CSMD1: variants seen among roughly 807,000 people sequenced by gnomAD.
The protein encoded by CSMD1 is CUB and Sushi multiple domains 1.
CSMD1 carries 213 observed loss-of-function variants against 417.5 expected under a neutral mutation model. That is an observed-to-expected ratio of 0.51 (90% confidence interval 0.46 to 0.57). The LOEUF is 0.57. CSMD1 is among the 20% of genes least tolerant of loss of function. CSMD1 has a pLI of 0.00. For synonymous variants in CSMD1, 2,862 were observed against 1,736.8 expected, an observed-to-expected ratio of 1.65 and a Z score of -16.11; for missense variants, 6,923 against 4,529.7, an observed-to-expected ratio of 1.53 and a Z score of -15.17.
chr8:4,385,505 G>A (rs559592458), intron 3 of CSMD1, among the ~76,000 whole-genome samples: 6 of 152,162 alleles, frequency 3.9e-5, no homozygotes, highest in African/African-American at 1.4e-4. Context: ...TAGTACTACC[G>A]TATTAGTAGT....
chr8:3,834,604 A>C (rs1173080291), intron 5 of CSMD1, among the ~76,000 whole-genome samples: 1 of 152,176 alleles, frequency 6.6e-6, no homozygotes, highest in African/African-American at 2.4e-5. Context: ...ACAAATGTGA[A>C]GGTAATACGT....
chr8:3,936,518 T>G (rs1166231378), intron 5 of CSMD1, among the ~76,000 whole-genome samples: 1 of 152,190 alleles, frequency 6.6e-6, no homozygotes, highest in Admixed American at 6.5e-5. Context: ...CCTTAAGAAT[T>G]CTGCTAAATC....
At chr8:3,105,252 G>T (rs1816053205) in intron 46 of CSMD1, among the ~76,000 whole-genome samples, 1 of 152,080 alleles carries the variant, frequency 6.6e-6, no homozygotes, top group Non-Finnish European at 1.5e-5. Flanking sequence ...TGCCTGATGG[G>T]GTGACTCTGG....
At chr8:3,178,100 C>T (rs1313680825) in intron 37 of CSMD1, among the ~76,000 whole-genome samples, 2 of 152,090 alleles carry the variant, frequency 1.3e-5, no homozygotes, top group Admixed American at 6.6e-5. Context: ...TACATTAAAC[C>T]AGAGGATTCT....
intron 5 of CSMD1, among the ~76,000 whole-genome samples, chr8:3,944,367 G>C (rs958495743): frequency 6.6e-6 from 1 of 152,110 alleles, no homozygotes; most frequent in South Asian, 2.1e-4. Flanking sequence ...AAAATAAGAT[G>C]TGTTCCTCTC....
At chr8:4,032,700 C>G in intron 3 of CSMD1, among the ~76,000 whole-genome samples, 1 of 152,208 alleles carries the variant, frequency 6.6e-6, no homozygotes, top group East Asian at 1.9e-4. Context: ...CAGCCAGGCT[C>G]TGTCCATTTA....
intron 10 of CSMD1, among the ~76,000 whole-genome samples, chr8:3,531,599 G>A (rs757095523): frequency 9.9e-5 from 15 of 152,108 alleles, no homozygotes; most frequent in Non-Finnish European, 2.1e-4. Context: ...CTGGCCCCGT[G>A]GGAGGCTGGT....
At chr8:4,089,742 C>T (rs998165300) in intron 3 of CSMD1, among the ~76,000 whole-genome samples, 10 of 152,258 alleles carry the variant, frequency 6.6e-5, no homozygotes, top group African/African-American at 2.4e-4. Context: ...ATTGACACAA[C>T]ATCATTCATT....
At chr8:3,293,036 T>C (rs981518554) in intron 25 of CSMD1, among the ~76,000 whole-genome samples, 1 of 152,298 alleles carries the variant, frequency 6.6e-6, no homozygotes, top group Admixed American at 6.5e-5. Flanking sequence ...TGACAAAATC[T>C]CTCAGCATTT....
At chr8:3,661,777 C>T (rs1435786834) in intron 7 of CSMD1, among the ~76,000 whole-genome samples, 1 of 151,986 alleles carries the variant, frequency 6.6e-6, no homozygotes, top group Non-Finnish European at 1.5e-5. Flanking sequence ...GGTGACAGGC[C>T]TGAGCCACCA....
At chr8:3,021,678 GTCCGGAATGCACCTGCAATCCCACAGCA>G in intron 51 of CSMD1, among the ~76,000 whole-genome samples, 1 of 128,532 alleles carries the variant, frequency 7.8e-6, no homozygotes, top group East Asian at 2.3e-4. Flanking sequence ...ATCCCACAGC[GTCCGGAATGCACCTGCAATCCCACAGCA>G]TCTGGAATGC....
chr8:4,681,068 T>A (rs550195636), intron 1 of CSMD1, among the ~76,000 whole-genome samples: 4 of 151,972 alleles, frequency 2.6e-5, no homozygotes, highest in Admixed American at 6.6e-5. Context: ...TTAACTTGCA[T>A]TATGGCTACG....
chr8:2,937,892 T>G lies in CSMD1; in HGVS notation c.*693A>C, dbSNP rs200720030. On this transcript the variant is annotated 3_prime_UTR_variant, in exon 70 of 70. Coordinates refer to ENST00000635120, the MANE Select transcript of CSMD1 (RefSeq NM_033225.6). ...TATAAACCCTGTGTAAATAATTTAT[T>G]TTTTTTATCAGAATCTTAGTCATTC... 1 of 73,516 alleles carries G rather than the reference T, an allele frequency of 1.4e-5. No individual in the cohort carries two copies. Among genetic ancestry groups the G allele is most frequent in the Non-Finnish European group, 3.2e-5 (1 of 31,462 alleles). The allele number at this position is 73,516 out of a possible 1,614,324, so 4.6% of individuals were successfully genotyped here.
intron 9 of CSMD1, among the ~76,000 whole-genome samples, chr8:3,577,399 CAT>C (rs1405681245): frequency 2.0e-5 from 3 of 152,078 alleles, no homozygotes; most frequent in Non-Finnish European, 4.4e-5. Context: ...CAAATTAACC[CAT>C]GTTTCTTTTT....
intron 7 of CSMD1, among the ~76,000 whole-genome samples, chr8:3,645,503 G>A (rs1187968015): frequency 6.6e-6 from 1 of 152,192 alleles, no homozygotes; most frequent in Non-Finnish European, 1.5e-5. Flanking sequence ...AATGGGGAAG[G>A]GGAAGGAAGG....
intron 3 of CSMD1, among the ~76,000 whole-genome samples, chr8:4,160,479 T>C (rs536096606): frequency 6.6e-6 from 1 of 152,302 alleles, no homozygotes; most frequent in South Asian, 2.1e-4. Context: ...TGTGTCTTCA[T>C]GAGGTCCGAA....
intron 46 of CSMD1, among the ~76,000 whole-genome samples, chr8:3,101,393 G>C (rs1003826168): frequency 6.6e-6 from 1 of 152,186 alleles, no homozygotes; most frequent in Non-Finnish European, 1.5e-5. Context: ...ATTAAGATGA[G>C]TGTCTAGCAC....
intron 1 of CSMD1, among the ~76,000 whole-genome samples, chr8:4,761,171 G>T (rs757833603): frequency 6.6e-6 from 1 of 152,046 alleles, no homozygotes; most frequent in Non-Finnish European, 1.5e-5. Flanking sequence ...CTATGAAAGC[G>T]AAATCTAAGG....
At chr8:3,885,406 G>A (rs62480068) in intron 5 of CSMD1, among the ~76,000 whole-genome samples, 7,633 of 152,098 alleles carry the variant, frequency 0.05, 264 homozygotes, top group South Asian at 0.13. Flanking sequence ...GTAGTTATGA[G>A]GACAATATCC....
Sources: gnomAD v4.1 joint callset for allele counts (sites outside exome capture counted in the v4.1 genomes callset) on GRCh38, gnomAD v4.1.1 for gene constraint, MANE v1.5 for transcripts, NCBI Gene and HGNC (gene_info 2026-07-23, HGNC 2026-07-21) for gene names.